Variants in BSN observed in about 807,000 individuals in gnomAD.
BSN encodes bassoon presynaptic cytomatrix protein.
Under a neutral mutation model 264.8 loss-of-function variants are expected in BSN, and 57 were observed. The ratio of observed to expected loss-of-function variants is 0.22; its 90% CI spans 0.17 to 0.27. The LOEUF (loss-of-function observed/expected upper bound fraction) is 0.27. Among genes scored for constraint, BSN ranks in the 10% least tolerant of loss-of-function variants. The pLI, the probability that BSN is intolerant of heterozygous loss-of-function variation, is 1.00. For missense variants in BSN, 4,615 were observed against 5,232.5 expected (o/e 0.88, Z 3.64); for synonymous variants, 2,059 against 2,137.3 (o/e 0.96, Z 1.01).
chr3:49,601,149 T>A (rs2052070177), intron 1 of BSN, among the ~76,000 whole-genome samples: 1 of 152,118 alleles, frequency 6.6e-6, no homozygotes, highest in Admixed American at 6.5e-5. Flanking sequence ...GAGAAACCCC[T>A]CTAGGGGAAC....
At chr3:49,618,553 G>A (rs2052279244) in intron 1 of BSN, among the ~76,000 whole-genome samples, 1 of 152,346 alleles carries the variant, frequency 6.6e-6, no homozygotes, top group East Asian at 1.9e-4. Context: ...AGCTCAGGTA[G>A]TTCAACACAC....
At chr3:49,643,243 T>A (rs1485607755) in intron 3 of BSN, 91 bp downstream of exon 3, 1 of 1,491,966 alleles carries the variant, frequency 6.7e-7, no homozygotes, top group Non-Finnish European at 8.9e-7. Context: ...GAGTTCTGGG[T>A]CTGCAGCAGC....
intron 1 of BSN, among the ~76,000 whole-genome samples, chr3:49,593,642 T>C (rs897786430): frequency 1.3e-5 from 2 of 152,172 alleles, no homozygotes; most frequent in Admixed American, 6.6e-5. Flanking sequence ...TAATGGCTAA[T>C]GATGTTGAAC....
At position 49,663,066 on chromosome 3, in the gene BSN, A is replaced by C. The variant is rs2052677025; in HGVS notation, c.10908A>C (p.Pro3636=). ...TGTGGCCTCATGATGAGGGTGGCCC[A>C]GGCCGCCATGCCTCAGCCAAGGAAC... ...EGLWPHDEGG[P]GRHASAKEHR... Residue 3636 remains proline, a synonymous_variant, in exon 7 of 12, where the codon CCA becomes CCC. Coordinates refer to ENST00000296452, the MANE Select transcript of BSN (RefSeq NM_003458.4). The C allele has an allele frequency of 1.2e-6, 2 of 1,612,930 alleles. No homozygotes were observed. The highest frequency in any genetic ancestry group is 8.5e-7 in the Non-Finnish European group (1 of 1,179,892).
rs907699013 is a variant in BSN at position 49,566,090 on chromosome 3, G to A, written c.224+11264G>A. ...TCTGCCTACCTCGGCCTCCCAAAGT[G>A]TTGGGATTACAGGCATGAGCCACTG... On this transcript the variant is annotated intron_variant, in intron 1 of 11. Transcript: ENST00000296452. Among the ~76,000 whole-genome samples, 7 of 152,188 alleles carry A rather than the reference G, an allele frequency of 4.6e-5. No homozygotes were observed. The East Asian group carries it at 1.3e-3, about 29-fold the overall frequency.
Position 49,654,489 on chromosome 3 carries a change from A to G in BSN, c.4933A>G (p.Ile1645Val). The change falls in exon 5 of 12, where the codon ATC becomes GTC. Residue 1645 changes from isoleucine to valine, a missense_variant. This residue lies in a region of BSN where 3,415 missense variants were observed against 3,866.4 expected (regional missense o/e 0.88). Coordinates refer to ENST00000296452, the MANE Select transcript of BSN (RefSeq NM_003458.4). This position sits in a 1 kb window ranked among gnomAD's most constrained non-coding sequence, Gnocchi z 4.1. ...TGCTGAGAACATCTCCCTGTGCCGGATCTCCTCTGTCCCTGGGACGTCTAG... is the reference window on the plus strand; with the variant it reads ...TGCTGAGAACATCTCCCTGTGCCGGGTCTCCTCTGTCCCTGGGACGTCTAG... ...LPAENISLCR[I>V]SSVPGTSRVE... 6.2e-7 allele frequency: 1 copy of G among 1,610,552 alleles called. No homozygotes were observed. Among genetic ancestry groups the G allele is most frequent in the South Asian group, 1.1e-5 (1 of 90,430 alleles).
In BSN at chr3:49,653,469, G is replaced by A. The variant is rs1333123162; in HGVS notation, c.3913G>A (p.Gly1305Ser). The A allele has an allele frequency of 6.2e-7, 1 of 1,613,954 alleles. No homozygotes were observed. The change falls in exon 5 of 12, where the codon GGT becomes AGT. Residue 1305 changes from glycine (G) to serine (S), a missense_variant. This residue lies in a region of BSN where 3,415 missense variants were observed against 3,866.4 expected (regional missense o/e 0.88). Coordinates refer to ENST00000296452, the MANE Select transcript of BSN (RefSeq NM_003458.4). The surrounding 1 kb of genome is among the most constrained non-coding windows in gnomAD (Gnocchi z 6.3). ...SAYMDPMKQN[G>S]GPLTPGTSPT... ...ATACATGGACCCAATGAAGCAAAAT[G>A]GTGGCCCCCTTACCCCTGGTACCAG...
rs762048089 is a variant in BSN, at chr3:49,662,939, G to A, written c.10781G>A (p.Arg3594Gln). 5 of 1,613,806 alleles carry A rather than the reference G, an allele frequency of 3.1e-6. No homozygotes were observed. The highest frequency in any genetic ancestry group is 1.7e-5 in the Admixed American group (1 of 59,964). ...AAGCCCCGGGATGCCCGCTCTGACC[G>A]GTTCAGGCACCACGGGGGCCATGCA... The part of the protein sequence containing the change: ...FDKPRDARSD[R>Q]FRHHGGHAVS... The change falls in exon 7 of 12, where the codon CGG (arginine) becomes CAG (glutamine). Residue 3594 changes from arginine to glutamine, a missense_variant. Coordinates refer to ENST00000296452, the MANE Select transcript of BSN (RefSeq NM_003458.4).
intron 1 of BSN, among the ~76,000 whole-genome samples, chr3:49,601,492 G>A (rs537001390): frequency 4.6e-5 from 7 of 152,278 alleles, no homozygotes; most frequent in Non-Finnish European, 8.8e-5. Context: ...TTTGAGGTTC[G>A]TCTTCTGAGT....
chr3:49,664,836 G>A lies in BSN; in HGVS notation c.11778G>A (p.Trp3926Ter). 6.2e-7 allele frequency: 1 copy of A among 1,612,618 alleles called. No individual in the cohort carries two copies. The highest frequency in any genetic ancestry group is 8.5e-7 in the Non-Finnish European group (1 of 1,179,770). Residue 3926 changes from tryptophan (W) to a stop codon, truncating the protein, a stop_gained, in exon 10 of 12, where the codon TGG (tryptophan) becomes TGA (stop). Coordinates refer to ENST00000296452, the MANE Select transcript of BSN (RefSeq NM_003458.4). LOFTEE classifies it high-confidence loss of function. ...SAFGKKFSSF[W>*] ...TTGGCAAAAAATTTTCCTCATTCTGGTGACCATGCCCAGCATGGTGAGTAC... is the reference window on the plus strand; with the variant it reads ...TTGGCAAAAAATTTTCCTCATTCTGATGACCATGCCCAGCATGGTGAGTAC...
In BSN at chr3:49,663,595, G is replaced by A; in HGVS notation, c.11437G>A (p.Ala3813Thr). 6.2e-7 allele frequency: 1 copy of A among 1,606,954 alleles called. No homozygotes were observed. Among genetic ancestry groups the A allele is most frequent in the Non-Finnish European group, 8.5e-7 (1 of 1,177,642 alleles). The change falls in exon 7 of 12, where the codon GCT (alanine) becomes ACT (threonine). Residue 3813 changes from alanine to threonine, a missense_variant. Ala to Thr is a moderately conservative substitution (Grantham distance 58). Coordinates refer to ENST00000296452, the MANE Select transcript of BSN (RefSeq NM_003458.4). Reference sequence around the variant, plus strand: ...GCCAACCACCCGGGGCTCAGCCCCTGCTGCCAGCCAGCCTGCAGGGAAGCC... The same window carrying A: ...GCCAACCACCCGGGGCTCAGCCCCTACTGCCAGCCAGCCTGCAGGGAAGCC... ...SQPTTRGSAP[A>T]ASQPAGKPQP...
chr3:49,579,267 G>C (rs1015534844), intron 1 of BSN, among the ~76,000 whole-genome samples: 1 of 152,024 alleles, frequency 6.6e-6, no homozygotes, highest in South Asian at 2.1e-4. Context: ...GGGATTACAG[G>C]CATGAGCCAC....
At chr3:49,604,713 C>T (rs1390603401) in intron 1 of BSN, among the ~76,000 whole-genome samples, 1 of 152,096 alleles carries the variant, frequency 6.6e-6, no homozygotes, top group African/African-American at 2.4e-5. Context: ...CAGGGACATA[C>T]ATTTGAGCAC....
intron 1 of BSN, among the ~76,000 whole-genome samples, chr3:49,596,571 T>C (rs572963623): frequency 7.2e-4 from 110 of 152,264 alleles, no homozygotes; most frequent in Non-Finnish European, 1.3e-3. Flanking sequence ...CCTAGGCTGG[T>C]CTTGAACTTT....
At chr3:49,620,598 G>A (rs116629751) in intron 1 of BSN, among the ~76,000 whole-genome samples, 1 of 152,300 alleles carries the variant, frequency 6.6e-6, no homozygotes, top group African/African-American at 2.4e-5. Flanking sequence ...GGGCCTTATG[G>A]GCCATTGTAA....
chr3:49,612,139 A>ATTTTT (rs10623266), intron 1 of BSN, among the ~76,000 whole-genome samples: 1 of 148,360 alleles, frequency 6.7e-6, no homozygotes, highest in South Asian at 2.1e-4. Context: ...ACAAAGAATG[A>ATTTTT]TTTTTTTTTT....
intron 3 of BSN, among the ~76,000 whole-genome samples, chr3:49,648,295 A>T (rs2052515080): frequency 6.6e-6 from 1 of 152,232 alleles, no homozygotes. Context: ...GCCAGGGCAG[A>T]TATCCAAACT....
rs1240745851 is a variant in BSN at position 49,651,643 on chromosome 3, A to T, written c.2087A>T (p.Glu696Val). The change falls in exon 5 of 12, where the codon GAG becomes GTG. Residue 696 changes from glutamate to valine, a missense_variant. Physicochemically the swap from Glu to Val is moderately radical, Grantham distance 121. Around this residue, in one of 3 missense-constraint regions of BSN, gnomAD observed 1,197 missense variants for 1,348.0 expected, o/e 0.89. Coordinates refer to ENST00000296452, the MANE Select transcript of BSN (RefSeq NM_003458.4). The surrounding 1 kb of genome is among the most constrained non-coding windows in gnomAD (Gnocchi z 5.4). ...SSDGISSSQSEITGVVQQEVE... is the reference protein window; with the variant it reads ...SSDGISSSQSVITGVVQQEVE... ...GACGGCATCTCTAGCTCCCAGAGTG[A>T]GATCACAGGAGTCGTGCAGCAGGAG... The T allele has an allele frequency of 3.7e-6, 6 of 1,614,000 alleles. No individual in the cohort carries two copies. The highest frequency in any genetic ancestry group is 2.2e-5 in the East Asian group (1 of 44,890).
At chr3:49,600,999 G>A (rs957971238) in intron 1 of BSN, among the ~76,000 whole-genome samples, 3 of 152,162 alleles carry the variant, frequency 2.0e-5, no homozygotes, top group Non-Finnish European at 4.4e-5. Context: ...TGAGACAGAA[G>A]AATGGCCCCC....
Sources: gnomAD v4.1 joint callset for allele counts (sites outside exome capture counted in the v4.1 genomes callset) on GRCh38, gnomAD v4.1.1 for gene constraint, gnomAD v4.1.1 regional missense constraint, Gnocchi (gnomAD v3.1) non-coding constraint, MANE v1.5 for transcripts, NCBI Gene and HGNC (gene_info 2026-07-23, HGNC 2026-07-21) for gene names.